Variants in CSMD1 observed in about 807,000 individuals in gnomAD.
CSMD1 encodes CUB and Sushi multiple domains 1.
CSMD1 carries 213 observed loss-of-function variants against 417.5 expected under a neutral mutation model. The observed-to-expected ratio is 0.51, with a 90% CI of 0.46 to 0.57. The LOEUF (loss-of-function observed/expected upper bound fraction) is 0.57. Ranked by LOEUF, CSMD1 falls within the 20% of genes least tolerant of loss-of-function variation. The pLI, the probability that CSMD1 is intolerant of heterozygous loss-of-function variation, is 0.00. For synonymous variants in CSMD1, 2,862 were observed against 1,736.8 expected, an observed-to-expected ratio of 1.65 and a Z score of -16.11; for missense variants, 6,923 against 4,529.7, an observed-to-expected ratio of 1.53 and a Z score of -15.17.
At chr8:4,716,140 T>C (rs1808639369) in intron 1 of CSMD1, among the ~76,000 whole-genome samples, 1 of 152,156 alleles carries the variant, frequency 6.6e-6, no homozygotes, top group Non-Finnish European at 1.5e-5. Context: ...ACCTGCCTGG[T>C]GAGCCAGGCT....
intron 3 of CSMD1, among the ~76,000 whole-genome samples, chr8:4,328,905 T>G (rs760244531): frequency 2.6e-5 from 4 of 152,232 alleles, no homozygotes; most frequent in Admixed American, 2.6e-4. Flanking sequence ...TTGTATATAT[T>G]GGTAGTGTGT....
At chr8:3,359,078 A>T in intron 21 of CSMD1, 74 bp downstream of exon 21, 1 of 1,472,114 alleles carries the variant, frequency 6.8e-7, no homozygotes, top group African/African-American at 1.4e-5. Flanking sequence ...CCCGACCCCG[A>T]CCACCCTAGG....
chr8:3,471,673 C>G (rs1220613047), intron 11 of CSMD1, among the ~76,000 whole-genome samples: 2 of 149,462 alleles, frequency 1.3e-5, no homozygotes, highest in East Asian at 2.0e-4. Flanking sequence ...TCCCTCCCTC[C>G]CTCCCTTCCT....
intron 5 of CSMD1, chr8:3,950,045 G>C (rs148348053): frequency 2.2e-6 from 1 of 454,996 alleles, no homozygotes; most frequent in Non-Finnish European, 4.4e-6. Context: ...TTGCTGTCAC[G>C]CTACAGACAG....
chr8:3,700,951 G>C (rs1396917614), intron 7 of CSMD1, among the ~76,000 whole-genome samples: 1 of 151,978 alleles, frequency 6.6e-6, no homozygotes, highest in Non-Finnish European at 1.5e-5. Context: ...TCAGGGCAGG[G>C]AGAGGCTGAG....
chr8:4,867,102 C>G (rs1340657209), intron 1 of CSMD1, among the ~76,000 whole-genome samples: 1 of 151,890 alleles, frequency 6.6e-6, no homozygotes, highest in African/African-American at 2.4e-5. Context: ...AATAAAGTGA[C>G]CCTTGTGATA....
intron 1 of CSMD1, among the ~76,000 whole-genome samples, chr8:4,901,240 A>T (rs1015548555): frequency 6.6e-6 from 1 of 152,204 alleles, no homozygotes; most frequent in Non-Finnish European, 1.5e-5. Context: ...CGCTTCCTCA[A>T]AAGTTGTCTT....
intron 10 of CSMD1, among the ~76,000 whole-genome samples, chr8:3,558,369 G>GTACCCCGTGTCCACCCCTCCAATGATGAA (rs1799273816): frequency 4.9e-5 from 5 of 102,462 alleles, no homozygotes; most frequent in Admixed American, 9.2e-5. Flanking sequence ...ATGATGAATG[G>GTACCCCGTGTCCACCCCTCCAATGATGAA]TGCCTCAGTA....
intron 3 of CSMD1, among the ~76,000 whole-genome samples, chr8:4,175,407 T>G (rs147125428): frequency 6.6e-6 from 1 of 152,196 alleles, no homozygotes; most frequent in East Asian, 1.9e-4. Flanking sequence ...GCGCTATACT[T>G]TTATTGTTCA....
intron 3 of CSMD1, among the ~76,000 whole-genome samples, chr8:4,050,107 G>C (rs1054104865): frequency 1.3e-5 from 2 of 152,112 alleles, no homozygotes; most frequent in African/African-American, 4.8e-5. Context: ...TGGGTTGTTG[G>C]GAAGATCACA....
intron 50 of CSMD1, among the ~76,000 whole-genome samples, chr8:3,033,396 G>C (rs575855231): frequency 6.6e-6 from 1 of 152,232 alleles, no homozygotes; most frequent in East Asian, 1.9e-4. Flanking sequence ...GTTAGAAAGA[G>C]ACAAGCTGTA....
At chr8:4,249,148 C>G (rs1274977804) in intron 3 of CSMD1, among the ~76,000 whole-genome samples, 2 of 152,172 alleles carry the variant, frequency 1.3e-5, no homozygotes, top group African/African-American at 2.4e-5. Context: ...AAAATATAAT[C>G]TTAACATATA....
At chr8:3,462,577 G>A (rs1277292332) in intron 12 of CSMD1, among the ~76,000 whole-genome samples, 2 of 152,146 alleles carry the variant, frequency 1.3e-5, no homozygotes, top group African/African-American at 4.8e-5. Flanking sequence ...TCACCCAGAT[G>A]GGACTGTCTA....
intron 20 of CSMD1, among the ~76,000 whole-genome samples, chr8:3,363,317 A>G (rs1809322702): frequency 6.6e-6 from 1 of 152,206 alleles, no homozygotes; most frequent in African/African-American, 2.4e-5. Flanking sequence ...TCATGGTACC[A>G]TTGAAGGAGA....
chr8:3,992,821 G>A lies in CSMD1; in HGVS notation c.818+5082C>T, dbSNP rs545231898. Among the ~76,000 whole-genome samples, 17 of 152,324 alleles carry A rather than the reference G, an allele frequency of 1.1e-4. 1 individual carries two copies. In the Middle Eastern group the frequency reaches 0.017, roughly 152 times the overall value. On this transcript the variant is annotated intron_variant, in intron 5 of 69. Transcript: ENST00000635120. Reference sequence around the variant, plus strand: ...TAAAGGAAAGCACAAAAAACAATTCGCCCATTTTAATTGGTGGCACTGCAG... The same window carrying A: ...TAAAGGAAAGCACAAAAAACAATTCACCCATTTTAATTGGTGGCACTGCAG...
At chr8:4,319,592 G>C (rs1252897946) in intron 3 of CSMD1, among the ~76,000 whole-genome samples, 1 of 152,168 alleles carries the variant, frequency 6.6e-6, no homozygotes, top group East Asian at 1.9e-4. Context: ...AGGAAATACA[G>C]AGTGGTGATT....
chr8:3,091,750 T>C (rs78533408), intron 47 of CSMD1, 88 bp from the exon 48 acceptor site: 34,590 of 1,165,334 alleles, frequency 0.03, 593 homozygotes, highest in South Asian at 0.034. Context: ...TACACTGGAG[T>C]CTACGTGTGC....
chr8:3,664,632 G>A (rs550987744), intron 7 of CSMD1, among the ~76,000 whole-genome samples: 1 of 152,178 alleles, frequency 6.6e-6, no homozygotes, highest in Non-Finnish European at 1.5e-5. Context: ...CATTTCAAAG[G>A]CTCCGCCAAG....
intron 17 of CSMD1, among the ~76,000 whole-genome samples, chr8:3,388,369 G>A (rs886200569): frequency 3.3e-5 from 5 of 150,934 alleles, no homozygotes; most frequent in Non-Finnish European, 7.4e-5. Flanking sequence ...TCTCTTTTTA[G>A]AAAAACATAT....
Sources: allele counts gnomAD v4.1 joint callset (sites outside exome capture counted in the v4.1 genomes callset), GRCh38; gene constraint gnomAD v4.1.1; transcripts MANE v1.5; gene names NCBI Gene and HGNC (gene_info 2026-07-23, HGNC 2026-07-21).